Variants in RASL12 observed in about 807,000 individuals in gnomAD.
RASL12 encodes the protein RAS like family 12, also known as ras-like protein family member 12.
RASL12 carries 16 observed loss-of-function variants against 22.9 expected under a neutral mutation model. The ratio of observed to expected loss-of-function variants is 0.70; its 90% CI spans 0.47 to 1.06. RASL12 has a LOEUF of 1.06. Among genes scored for constraint, RASL12 ranks in the 50% least tolerant of loss-of-function variants. RASL12 has a pLI of 0.00. For missense variants in RASL12, 306 were observed against 353.1 expected (o/e 0.87, Z 1.07); for synonymous variants, 159 against 152.2 (o/e 1.04, Z -0.33).
intron 2 of RASL12, among the ~76,000 whole-genome samples, chr15:65,063,593 C>T (rs891460722): frequency 3.9e-5 from 6 of 152,214 alleles, no homozygotes; most frequent in African/African-American, 1.4e-4. Context: ...GGGGGTCAAG[C>T]AGAGCTTCGA....
At chr15:65,055,853 G>A (rs1169989012) in intron 4 of RASL12, among the ~76,000 whole-genome samples, 1 of 152,200 alleles carries the variant, frequency 6.6e-6, no homozygotes, top group Non-Finnish European at 1.5e-5. Context: ...CAATGACAAA[G>A]TTGCAGATTC....
chr15:65,051,627 G>A (rs761756465), downstream of RASL12: 3 of 1,610,472 alleles, frequency 1.9e-6, no homozygotes, highest in South Asian at 1.1e-5. Context: ...GTCCTGGGGG[G>A]ATGGGGTGGT....
intron 2 of RASL12, among the ~76,000 whole-genome samples, chr15:65,064,571 T>G (rs1444517291): frequency 1.3e-5 from 2 of 152,206 alleles, no homozygotes; most frequent in African/African-American, 4.8e-5. Context: ...TGAGTGACCA[T>G]CTTGAAGAAT....
intron 2 of RASL12, among the ~76,000 whole-genome samples, chr15:65,062,707 TCAG>T (rs1372416983): frequency 6.6e-6 from 1 of 152,186 alleles, no homozygotes; most frequent in Non-Finnish European, 1.5e-5. Context: ...GCTCAGGCTC[TCAG>T]AAGACCTAGG....
chr15:65,050,051 T>C, downstream of RASL12: 5 of 1,551,838 alleles, frequency 3.2e-6, no homozygotes, highest in Non-Finnish European at 2.6e-6. Flanking sequence ...GGTACTGTGG[T>C]ACCCCAGGAG....
downstream of RASL12, chr15:65,049,909 C>T: frequency 1.2e-6 from 1 of 863,380 alleles, no homozygotes; most frequent in Admixed American, 3.0e-5. Context: ...GTCTTCACGG[C>T]TTCTCTGCCC....
chr15:65,048,887 G>C (rs553264104), downstream of RASL12, among the ~76,000 whole-genome samples: 301 of 151,812 alleles, frequency 2.0e-3, no homozygotes, highest in African/African-American at 6.7e-3. Context: ...ACATGCGCCT[G>C]TAATTCCAGC....
chr15:65,055,181 C>A lies in RASL12; in HGVS notation c.519G>T (p.Gln173His). The A allele has an allele frequency of 3.1e-6, 5 of 1,612,474 alleles. No individual in the cohort carries two copies. Among genetic ancestry groups the A allele is most frequent in the Non-Finnish European group, 4.2e-6 (5 of 1,179,728 alleles). The change falls in exon 5 of 5, where the codon CAG becomes CAT. Residue 173 changes from glutamine to histidine, a missense_variant. Coordinates refer to ENST00000220062, the MANE Select transcript of RASL12 (RefSeq NM_016563.4). ...VSACLDFEHV[Q>H]HVFHEAVREA... ...CTCGCACTGCCTCGTGGAAGACATG[C>A]TGCACGTGCTCAAAGTCCAGACAGG...
At chr15:65,055,915 A>AG (rs1181054194) in intron 4 of RASL12, among the ~76,000 whole-genome samples, 2 of 152,168 alleles carry the variant, frequency 1.3e-5, no homozygotes, top group African/African-American at 4.8e-5. Context: ...AGGAGAGGGC[A>AG]GGGGGGACAA....
At chr15:65,059,010 G>C (rs1336197947) in intron 3 of RASL12, among the ~76,000 whole-genome samples, 2 of 152,240 alleles carry the variant, frequency 1.3e-5, no homozygotes, top group Admixed American at 6.5e-5. Flanking sequence ...ACTTGTGTGT[G>C]GGAGAGACCT....
chr15:65,053,363 T>G lies in RASL12; in HGVS notation c.*1536A>C. On this transcript the variant is annotated 3_prime_UTR_variant, in exon 5 of 5. Transcript: ENST00000220062. ...TCTGTTATTAAAAAAAATCTTTTAT[T>G]AAAATGCTCCTGGAAGGGAGCAGGT... The G allele has an allele frequency of 1.4e-6, 2 of 1,403,014 alleles. No homozygotes were observed. The highest frequency in any genetic ancestry group is 1.8e-6 in the Non-Finnish European group (2 of 1,085,052). 86.9% of individuals were successfully genotyped at this position (1,403,014 alleles called of 1,614,324 possible).
At position 65,055,140 on chromosome 15, in the gene RASL12, A is replaced by T. The variant is rs774014722; in HGVS notation, c.560T>A (p.Leu187Gln). Residue 187 changes from leucine to glutamine, a missense_variant, in exon 5 of 5, where the codon CTG (leucine) becomes CAG (glutamine). Coordinates refer to ENST00000220062, the MANE Select transcript of RASL12 (RefSeq NM_016563.4). The stretch of plus-strand genomic sequence containing the variant: ...GGGCCGGGTCAGGGGGCTCTTCTCC[A>T]GCTCCCGCCGTGCCTCTCGCACTGC... The part of the protein sequence containing the change: ...HEAVREARRE[L>Q]EKSPLTRPLF... 1 of 1,611,228 alleles carries T rather than the reference A, an allele frequency of 6.2e-7. No individual in the cohort carries two copies. The highest frequency in any genetic ancestry group is 8.5e-7 in the Non-Finnish European group (1 of 1,179,178).
chr15:65,051,543 C>A (rs1231812983), downstream of RASL12: 2 of 1,613,760 alleles, frequency 1.2e-6, no homozygotes, highest in South Asian at 1.1e-5. Context: ...CCATCCTTGC[C>A]CTGGCAGCTG....
chr15:65,059,102 A>G (rs567294122), intron 3 of RASL12, among the ~76,000 whole-genome samples: 1 of 152,362 alleles, frequency 6.6e-6, no homozygotes, highest in South Asian at 2.1e-4. Flanking sequence ...AGAGCCCCAC[A>G]GCACAGGATC....
Position 65,053,982 on chromosome 15 carries a change from G to C in RASL12, c.*917C>G, listed in dbSNP as rs2086693524. ...TCAGACTCATTGCTGAGGGTCCTGG[G>C]TCCTGCCAAACCAGATGACAAACGG... On this transcript the variant is annotated 3_prime_UTR_variant, in exon 5 of 5. Coordinates refer to ENST00000220062, the MANE Select transcript of RASL12 (RefSeq NM_016563.4). 1 of 985,752 alleles carries C rather than the reference G, an allele frequency of 1.0e-6. No homozygotes were observed. Among genetic ancestry groups the C allele is most frequent in the African/African-American group, 1.7e-5 (1 of 57,234 alleles). The allele number at this position is 985,752 out of a possible 1,614,324, so 61.1% of individuals were successfully genotyped here.
Position 65,055,149 on chromosome 15 carries a change from C to T in RASL12, c.551G>A (p.Arg184Gln), listed in dbSNP as rs765627563. ...HVFHEAVREA[R>Q]RELEKSPLTR... ...CAGGGGGCTCTTCTCCAGCTCCCGC[C>T]GTGCCTCTCGCACTGCCTCGTGGAA... The change falls in exon 5 of 5, where the codon CGG becomes CAG. Residue 184 changes from arginine (R) to glutamine (Q), a missense_variant. Transcript: ENST00000220062. 2.5e-5 allele frequency: 41 copies of T among 1,612,170 alleles called. No homozygotes were observed. Among genetic ancestry groups the T allele is most frequent in the Middle Eastern group, 1.7e-4 (1 of 6,058 alleles).
chr15:65,063,812 C>A (rs926126848), intron 2 of RASL12, among the ~76,000 whole-genome samples: 6 of 152,218 alleles, frequency 3.9e-5, no homozygotes, highest in African/African-American at 1.4e-4. Context: ...GTGCTGGACT[C>A]CAGCCTGAAC....
chr15:65,076,195 C>T (rs1400048252), intron 1 of RASL12, among the ~76,000 whole-genome samples: 1 of 152,232 alleles, frequency 6.6e-6, no homozygotes, highest in Non-Finnish European at 1.5e-5. Context: ...CTCATATCCC[C>T]TTCCACACTG....
chr15:65,057,491 G>T (rs748270689), intron 4 of RASL12, among the ~76,000 whole-genome samples: 1 of 152,212 alleles, frequency 6.6e-6, no homozygotes, highest in South Asian at 2.1e-4. Flanking sequence ...TGGAGAGAGC[G>T]TGCCCCACCT....
Sources: gnomAD v4.1 joint callset for allele counts (sites outside exome capture counted in the v4.1 genomes callset) on GRCh38, gnomAD v4.1.1 for gene constraint, MANE v1.5 for transcripts, NCBI Gene and HGNC (gene_info 2026-07-23, HGNC 2026-07-21) for gene names.